Variants in OR5AS1 observed in about 807,000 individuals in gnomAD.
The protein encoded by OR5AS1 is olfactory receptor family 5 subfamily AS member 1, also known as olfactory receptor 5AS1.
For synonymous variants in OR5AS1, 196 were observed against 141.7 expected (o/e 1.38, Z -2.72); for missense variants, 492 against 378.2 (o/e 1.30, Z -2.50).
intron 1 of OR5AS1, among the ~76,000 whole-genome samples, chr11:56,027,966 TG>T (rs1853313049): frequency 6.6e-6 from 1 of 151,988 alleles, no homozygotes; most frequent in Non-Finnish European, 1.5e-5. Context: ...CTTATTGCCA[TG>T]AGAAGGAAGC....
chr11:56,028,823 T>C (rs1247609789), intron 1 of OR5AS1, among the ~76,000 whole-genome samples: 1 of 152,098 alleles, frequency 6.6e-6, no homozygotes, highest in East Asian at 1.9e-4. Flanking sequence ...GTCACTTGTT[T>C]GGATGAGCCT....
Position 56,030,533 on chromosome 11 carries a change from A to G in OR5AS1, c.115A>G (p.Met39Val), listed in dbSNP as rs937303158. The change falls in exon 2 of 2, where the codon ATG becomes GTG. Residue 39 changes from methionine (M) to valine (V), a missense_variant. Transcript: ENST00000641320. ...ATTCCTTCTGGTATATACATTAACT[A>G]TGGTCGGAAATATACTCTTAATAAT... ...LVFLLVYTLT[M>V]VGNILLIILV... 1.9e-6 allele frequency: 3 copies of G among 1,554,420 alleles called. No individual in the cohort carries two copies. Among genetic ancestry groups the G allele is most frequent in the Admixed American group, 3.9e-5 (2 of 51,020 alleles).
intron 1 of OR5AS1, among the ~76,000 whole-genome samples, chr11:56,030,181 C>A (rs1853332629): frequency 6.6e-6 from 1 of 152,076 alleles, no homozygotes. Flanking sequence ...TTATAAAACA[C>A]CACCATCTAA....
chr11:56,030,583 T>C lies in OR5AS1; in HGVS notation c.165T>C (p.Leu55=). ...LIILVNINSS[L]QIPMYYFLSN... ...TTCTAGTTAATATTAATTCAAGCCT[T>C]CAAATTCCCATGTATTATTTTCTTA... Residue 55 remains leucine, a synonymous_variant, in exon 2 of 2, where the codon CTT becomes CTC. Transcript: ENST00000641320. 1 of 1,548,278 alleles carries C rather than the reference T, an allele frequency of 6.5e-7. No homozygotes were observed. The highest frequency in any genetic ancestry group is 1.4e-5 in the African/African-American group (1 of 72,264).
rs1853402063 is a variant in OR5AS1, at chr11:56,036,144, A to C, written c.*4751A>C. On this transcript the variant is annotated 3_prime_UTR_variant, in exon 2 of 2. Coordinates refer to ENST00000641320, the MANE Select transcript of OR5AS1 (RefSeq NM_001001921.2). ...ACATAGCTAAAGCAGTGTTTAGAGGAAAATTCACAGTACTAAAGGCCCACA... is the reference window on the plus strand; with the variant it reads ...ACATAGCTAAAGCAGTGTTTAGAGGCAAATTCACAGTACTAAAGGCCCACA... 6.6e-6 allele frequency: 1 copy of C among 152,084 alleles called. No individual in the cohort carries two copies. The highest frequency in any genetic ancestry group is 2.4e-5 in the African/African-American group (1 of 41,362). 9.4% of individuals were successfully genotyped at this position (152,084 alleles called of 1,614,324 possible). A position where few individuals can be genotyped will look rare whatever the true frequency, so the allele number is the denominator to read the frequency against.
Position 56,030,906 on chromosome 11 carries a change from CA to C in OR5AS1, c.489del (p.Phe164SerfsTer50), listed in dbSNP as rs1382758627. On this transcript the variant is annotated frameshift_variant, in exon 2 of 2. Coordinates refer to ENST00000641320, the MANE Select transcript of OR5AS1 (RefSeq NM_001001921.2). LOFTEE classifies it low-confidence loss of function (END_TRUNC). Reference protein sequence around the residue: ...STTSLVHVCLTFRLSFCGSNI... With the variant: ...STTSLVHVCLXFRLSFCGSNI... ...ACATCACTGGTCCATGTGTGCCTCACATTCAGGCTGTCATTTTGTGGCTCCA... is the reference window on the plus strand; with the variant it reads ...ACATCACTGGTCCATGTGTGCCTCACTTCAGGCTGTCATTTTGTGGCTCCA... 1 of 1,614,134 alleles carries C rather than the reference CA, an allele frequency of 6.2e-7. No homozygotes were observed. The highest frequency in any genetic ancestry group is 8.5e-7 in the Non-Finnish European group (1 of 1,180,018).
chr11:56,031,663 T>C lies in OR5AS1; in HGVS notation c.*270T>C. ...TTTACGATGTTGTATTGAAGGTAAA[T>C]ATTGACTTTTCAGTCAATCAATCGG... On this transcript the variant is annotated 3_prime_UTR_variant, in exon 2 of 2. Transcript: ENST00000641320. 4.1e-6 allele frequency: 1 copy of C among 246,844 alleles called. No individual in the cohort carries two copies. Among genetic ancestry groups the C allele is most frequent in the South Asian group, 7.8e-5 (1 of 12,780 alleles). The allele number at this position is 246,844 out of a possible 1,614,324, so 15.3% of individuals were successfully genotyped here.
rs1853411992 is a variant in OR5AS1, at chr11:56,036,949, AG to A, written c.*5558del. 6.6e-6 allele frequency: 1 copy of A among 152,144 alleles called. No homozygotes were observed. Among genetic ancestry groups the A allele is most frequent in the African/African-American group, 2.4e-5 (1 of 41,398 alleles). The allele number at this position is 152,144 out of a possible 1,614,324, so 9.4% of individuals were successfully genotyped here. A position where few individuals can be genotyped will look rare whatever the true frequency, so the allele number is the denominator to read the frequency against. On this transcript the variant is annotated 3_prime_UTR_variant, in exon 2 of 2. Coordinates refer to ENST00000641320, the MANE Select transcript of OR5AS1 (RefSeq NM_001001921.2). ...AAATTGGCTTTATCCCTGGGATGCA[AG>A]GCTGGCTTAACATACGCAAATCAAT...
rs1347313722 is a variant in OR5AS1, at chr11:56,037,594, C to T, written c.*6201C>T. 1 of 151,944 alleles carries T rather than the reference C, an allele frequency of 6.6e-6. No individual in the cohort carries two copies. Among genetic ancestry groups the T allele is most frequent in the Non-Finnish European group, 1.5e-5 (1 of 67,996 alleles). 9.4% of individuals were successfully genotyped at this position (151,944 alleles called of 1,614,324 possible). A position where few individuals can be genotyped will look rare whatever the true frequency, so the allele number is the denominator to read the frequency against. On this transcript the variant is annotated 3_prime_UTR_variant, in exon 2 of 2. Transcript: ENST00000641320. Reference sequence around the variant, plus strand: ...CTTCAAGGAGAACTACAAATTAGTGCTCAAGGAAATAAGAGAGGACACAAA... The same window carrying T: ...CTTCAAGGAGAACTACAAATTAGTGTTCAAGGAAATAAGAGAGGACACAAA...
rs1853373831 is a variant in OR5AS1 at position 56,033,617 on chromosome 11, C to A, written c.*2224C>A. The A allele has an allele frequency of 6.6e-6, 1 of 152,396 alleles. No individual in the cohort carries two copies. Among genetic ancestry groups the A allele is most frequent in the South Asian group, 2.1e-4 (1 of 4,840 alleles). The allele number at this position is 152,396 out of a possible 1,614,324, so 9.4% of individuals were successfully genotyped here. A position where few individuals can be genotyped will look rare whatever the true frequency, so the allele number is the denominator to read the frequency against. ...CAGGGGATCTCTAAAAAAAAGGCAG[C>A]AGCCCCAGTTAGGGGCCTAGAGATA... On this transcript the variant is annotated 3_prime_UTR_variant, in exon 2 of 2. Transcript: ENST00000641320.
chr11:56,037,157 T>C lies in OR5AS1; in HGVS notation c.*5764T>C, dbSNP rs1853414419. ...TATGACAAACCCACAGCCAATATCA[T>C]ACTGAATGGGCAAAAACTGGACGCA... On this transcript the variant is annotated 3_prime_UTR_variant, in exon 2 of 2. Transcript: ENST00000641320. The C allele has an allele frequency of 6.6e-6, 1 of 152,108 alleles. No individual in the cohort carries two copies. The highest frequency in any genetic ancestry group is 1.5e-5 in the Non-Finnish European group (1 of 68,046). 9.4% of individuals were successfully genotyped at this position (152,108 alleles called of 1,614,324 possible). A position where few individuals can be genotyped will look rare whatever the true frequency, so the allele number is the denominator to read the frequency against.
In OR5AS1 at chr11:56,031,419, C is replaced by CA. The variant is rs1565026690; in HGVS notation, c.*28dup. On this transcript the variant is annotated 3_prime_UTR_variant, in exon 2 of 2. Transcript: ENST00000641320. Reference sequence around the variant, plus strand: ...CTTACCCTTCCAATCTCATAAACAGCAATTATGCCATGAACATCTTATGTG... The same window carrying CA: ...CTTACCCTTCCAATCTCATAAACAGCAAATTATGCCATGAACATCTTATGTG... 3.5e-6 allele frequency: 5 copies of CA among 1,416,322 alleles called. No individual in the cohort carries two copies. Among genetic ancestry groups the CA allele is most frequent in the Non-Finnish European group, 4.7e-6 (5 of 1,057,580 alleles). 87.7% of individuals were successfully genotyped at this position (1,416,322 alleles called of 1,614,324 possible).
At chr11:56,028,623 C>T (rs1260287673) in intron 1 of OR5AS1, among the ~76,000 whole-genome samples, 10 of 152,148 alleles carry the variant, frequency 6.6e-5, no homozygotes, top group Middle Eastern at 3.4e-3. Context: ...TTCAGAGCAG[C>T]GTGAGATAAA....
At position 56,030,447 on chromosome 11, in the gene OR5AS1, C is replaced by A. The variant is rs775788693; in HGVS notation, c.29C>A (p.Thr10Asn). 2.7e-6 allele frequency: 4 copies of A among 1,492,608 alleles called. No individual in the cohort carries two copies. Among genetic ancestry groups the A allele is most frequent in the Non-Finnish European group, 3.6e-6 (4 of 1,120,970 alleles). The allele number at this position is 1,492,608 out of a possible 1,614,324, so 92.5% of individuals were successfully genotyped here. The change falls in exon 2 of 2, where the codon ACT (threonine) becomes AAT (asparagine). Residue 10 changes from threonine to asparagine, a missense_variant. Physicochemically the swap from Thr to Asn is moderately conservative, Grantham distance 65 (BLOSUM62 0). Transcript: ENST00000641320. The stretch of plus-strand genomic sequence containing the variant: ...TTGGAGAGTAATTACACCATGCCAA[C>A]TGAGTTCCTATTTGTTGGATTCACA... The part of the protein sequence containing the change: MLESNYTMP[T>N]EFLFVGFTDY...
At chr11:56,028,364 C>A (rs1271314380) in intron 1 of OR5AS1, among the ~76,000 whole-genome samples, 1 of 151,880 alleles carries the variant, frequency 6.6e-6, no homozygotes, top group Non-Finnish European at 1.5e-5. Flanking sequence ...TATATTTGGA[C>A]CTGAGGTTAT....
Position 56,030,972 on chromosome 11 carries a change from T to C in OR5AS1, c.554T>C (p.Leu185Pro). 1 of 1,614,182 alleles carries C rather than the reference T, an allele frequency of 6.2e-7. No homozygotes were observed. Among genetic ancestry groups the C allele is most frequent in the Non-Finnish European group, 8.5e-7 (1 of 1,180,030 alleles). The change falls in exon 2 of 2, where the codon CTG becomes CCG. Residue 185 changes from leucine (L) to proline (P), a missense_variant. Physicochemically the swap from Leu to Pro is moderately conservative, Grantham distance 98. Transcript: ENST00000641320. ...NHFFCDIPPL[L>P]ALSCTDTQIN... Reference sequence around the variant, plus strand: ...TTTTTCTGTGATATCCCACCTCTTCTGGCTTTATCATGTACAGACACTCAG... The same window carrying C: ...TTTTTCTGTGATATCCCACCTCTTCCGGCTTTATCATGTACAGACACTCAG...
intron 1 of OR5AS1, 146 bp from the exon 2 acceptor site, chr11:56,030,245 A>AC: frequency 4.9e-6 from 2 of 406,946 alleles, no homozygotes; most frequent in Non-Finnish European, 4.4e-6. Flanking sequence ...TCCTTTAATC[A>AC]AATGACAAAA....
At position 56,030,808 on chromosome 11, in the gene OR5AS1, G is replaced by T. The variant is rs1382302271; in HGVS notation, c.390G>T (p.Leu130=). 1.2e-6 allele frequency: 2 copies of T among 1,613,924 alleles called. No homozygotes were observed. Among genetic ancestry groups the T allele is most frequent in the East Asian group, 2.2e-5 (1 of 44,878 alleles). ...GCTATGCAGCCATCTGCAACCCACT[G>T]CTCTATACTACACTGATGTCTAGGA... The part of the protein sequence containing the change: ...YDRYAAICNP[L]LYTTLMSRRV... Residue 130 remains leucine (L), a synonymous_variant, in exon 2 of 2, where the codon CTG becomes CTT. Coordinates refer to ENST00000641320, the MANE Select transcript of OR5AS1 (RefSeq NM_001001921.2).
Position 56,037,779 on chromosome 11 carries a change from C to A in OR5AS1, c.*6386C>A, listed in dbSNP as rs1853423534. 6.6e-6 allele frequency: 1 copy of A among 151,678 alleles called. No individual in the cohort carries two copies. The highest frequency in any genetic ancestry group is 2.4e-5 in the African/African-American group (1 of 41,312). The allele number at this position is 151,678 out of a possible 1,614,324, so 9.4% of individuals were successfully genotyped here. A position where few individuals can be genotyped will look rare whatever the true frequency, so the allele number is the denominator to read the frequency against. ...AAAAAAAAAAAACTACTTTAAATTT[C>A]ATGTGGAACCAGAAAACAGCCCATG... On this transcript the variant is annotated 3_prime_UTR_variant, in exon 2 of 2. Coordinates refer to ENST00000641320, the MANE Select transcript of OR5AS1 (RefSeq NM_001001921.2).
Sources: gnomAD v4.1 joint callset for allele counts (sites outside exome capture counted in the v4.1 genomes callset) on GRCh38, gnomAD v4.1.1 for gene constraint, MANE v1.5 for transcripts, NCBI Gene and HGNC (gene_info 2026-07-23, HGNC 2026-07-21) for gene names.